Variants in FNDC3A observed in about 807,000 individuals in gnomAD.
FNDC3A encodes the protein fibronectin type-III domain-containing protein 3A.
FNDC3A carries 32 observed loss-of-function variants against 148.9 expected under a neutral mutation model. That is an observed-to-expected ratio of 0.21 (90% CI 0.16 to 0.29). The LOEUF (loss-of-function observed/expected upper bound fraction) is 0.29. Ranked by LOEUF, FNDC3A falls within the 10% of genes least tolerant of loss-of-function variation. The pLI is 1.00. For synonymous variants in FNDC3A, 472 were observed against 473.6 expected (o/e 1.00, Z 0.04); for missense variants, 1,191 against 1,452.8 (o/e 0.82, Z 2.93).
At chr13:49,191,861 T>C (rs1885905309) in intron 19 of FNDC3A, among the ~76,000 whole-genome samples, 1 of 152,228 alleles carries the variant, frequency 6.6e-6, no homozygotes, top group Admixed American at 6.5e-5. Context: ...TCTGGTTTTG[T>C]ATGTATTTTT....
At chr13:49,180,932 A>G (rs1885269556) in intron 14 of FNDC3A, among the ~76,000 whole-genome samples, 1 of 151,960 alleles carries the variant, frequency 6.6e-6, no homozygotes, top group South Asian at 2.1e-4. Flanking sequence ...TTTAAAAGCC[A>G]CCAGGCATGG....
intron 8 of FNDC3A, among the ~76,000 whole-genome samples, chr13:49,147,385 A>T (rs76053789): frequency 1.3e-5 from 2 of 152,078 alleles, no homozygotes; most frequent in Non-Finnish European, 2.9e-5. Flanking sequence ...GCCTTGAAAC[A>T]TATTTATTTT....
chr13:49,060,504 T>C (rs1190971503), intron 2 of FNDC3A, among the ~76,000 whole-genome samples: 1 of 151,170 alleles, frequency 6.6e-6, no homozygotes, highest in Non-Finnish European at 1.5e-5. Flanking sequence ...ATTAGCCAGG[T>C]GTGGTGGCAT....
chr13:49,012,954 G>T (rs1181023960), intron 2 of FNDC3A, among the ~76,000 whole-genome samples: 1 of 152,014 alleles, frequency 6.6e-6, no homozygotes, highest in Non-Finnish European at 1.5e-5. Context: ...TAGTCTCAAA[G>T]AGAGTATTTT....
chr13:49,011,444 A>T (rs9316427), intron 2 of FNDC3A, among the ~76,000 whole-genome samples: 87,989 of 151,934 alleles, frequency 0.58, 27,119 homozygotes, highest in Non-Finnish European at 0.68. Flanking sequence ...ATGTTGGCCA[A>T]GCTGATCTCG....
At chr13:48,986,457 G>A (rs1026608838) in intron 1 of FNDC3A, among the ~76,000 whole-genome samples, 13 of 134,154 alleles carry the variant, frequency 9.7e-5, no homozygotes, top group Admixed American at 1.7e-4. Flanking sequence ...GTGCAATGGC[G>A]TGATCTCGGC....
At chr13:49,119,067 C>A (rs532505020) in intron 4 of FNDC3A, among the ~76,000 whole-genome samples, 1 of 152,224 alleles carries the variant, frequency 6.6e-6, no homozygotes, top group Non-Finnish European at 1.5e-5. Flanking sequence ...CTGGGAGACA[C>A]CTTCCAGCAG....
intron 3 of FNDC3A, among the ~76,000 whole-genome samples, chr13:49,103,758 T>G (rs1328429871): frequency 1.3e-5 from 2 of 152,198 alleles, no homozygotes; most frequent in Non-Finnish European, 2.9e-5. Context: ...TCTAGGATTA[T>G]TCTCACATTT....
At chr13:49,064,101 G>T (rs1266446554) in intron 2 of FNDC3A, among the ~76,000 whole-genome samples, 2 of 152,142 alleles carry the variant, frequency 1.3e-5, no homozygotes, top group Admixed American at 6.5e-5. Flanking sequence ...CCAGCACTTT[G>T]GGAGGCCGAG....
intron 5 of FNDC3A, among the ~76,000 whole-genome samples, chr13:49,131,688 C>G (rs1051403967): frequency 2.6e-5 from 4 of 152,146 alleles, no homozygotes; most frequent in African/African-American, 9.7e-5. Context: ...CCAGGAATAA[C>G]CATGTCATTG....
At chr13:49,154,315 CTGTT>C (rs765503753) in intron 8 of FNDC3A, among the ~76,000 whole-genome samples, 37,033 of 123,910 alleles carry the variant, frequency 0.3, 1,955 homozygotes, top group East Asian at 0.39. Context: ...ATTTGGCTCT[CTGTT>C]TGTCTGTTAT....
At chr13:49,112,136 T>G (rs2137869730) in intron 3 of FNDC3A, among the ~76,000 whole-genome samples, 1 of 152,332 alleles carries the variant, frequency 6.6e-6, no homozygotes. Flanking sequence ...GATGACTTGA[T>G]GTAAGGATTA....
At chr13:49,144,766 C>CA (rs1333599357) in intron 7 of FNDC3A, among the ~76,000 whole-genome samples, 2 of 152,182 alleles carry the variant, frequency 1.3e-5, no homozygotes, top group Non-Finnish European at 2.9e-5. Context: ...CCAAAGATAA[C>CA]AATTGGTACA....
rs1398450707 is a variant in FNDC3A, at chr13:49,201,830, T to C, written c.3018T>C (p.His1006=). 1 of 1,565,520 alleles carries C rather than the reference T, an allele frequency of 6.4e-7. No individual in the cohort carries two copies. The highest frequency in any genetic ancestry group is 1.9e-5 in the Admixed American group (1 of 53,440). The change falls in exon 24 of 26, where the codon CAT becomes CAC. Residue 1006 remains histidine (H), a synonymous_variant. Coordinates refer to ENST00000492622, the MANE Select transcript of FNDC3A (RefSeq NM_001079673.2). ...RFVSLYRGPC[H]TYKVQRLNES... The stretch of plus-strand genomic sequence containing the variant: ...TATCCCTATACAGAGGACCATGTCA[T>C]ACATACAAAGTACAAAGACTTAATG...
At chr13:49,176,691 A>T (rs777100338) in intron 13 of FNDC3A, among the ~76,000 whole-genome samples, 11 of 152,322 alleles carry the variant, frequency 7.2e-5, no homozygotes, top group Non-Finnish European at 1.0e-4. Context: ...TACAATAAAT[A>T]TTGCCACTCC....
intron 17 of FNDC3A, 135 bp from the exon 18 acceptor site, chr13:49,190,879 CT>C: frequency 1.7e-6 from 1 of 593,710 alleles, no homozygotes; most frequent in Non-Finnish European, 2.9e-6. Context: ...AACTTTATTC[CT>C]TTTTTGTTGA....
chr13:49,136,803 G>A (rs192965407), intron 6 of FNDC3A, among the ~76,000 whole-genome samples: 27 of 152,216 alleles, frequency 1.8e-4, no homozygotes, highest in Admixed American at 4.6e-4. Context: ...TATTTGATAG[G>A]AAAACTCAGA....
In FNDC3A at chr13:49,111,972, G is replaced by A. The variant is rs140426341; in HGVS notation, c.176-2683G>A. Among the ~76,000 whole-genome samples the A allele has an allele frequency of 3.0e-3, 450 of 152,076 alleles. 3 individuals carry two copies. Among genetic ancestry groups the A allele is most frequent in the African/African-American group, 0.01 (427 of 41,478 alleles). On this transcript the variant is annotated intron_variant, in intron 3 of 25. Transcript: ENST00000492622. Reference sequence around the variant, plus strand: ...TTACCAAATTATAAACTATTTTAGCGGCTATCAAAGTATAAAATGGTTTGA... The same window carrying A: ...TTACCAAATTATAAACTATTTTAGCAGCTATCAAAGTATAAAATGGTTTGA...
intron 13 of FNDC3A, among the ~76,000 whole-genome samples, chr13:49,175,835 G>C (rs1885000819): frequency 6.6e-6 from 1 of 152,120 alleles, no homozygotes; most frequent in Non-Finnish European, 1.5e-5. Flanking sequence ...CTGTGGGTTT[G>C]TCATAAACAG....
Sources: gnomAD v4.1 joint callset for allele counts (sites outside exome capture counted in the v4.1 genomes callset) on GRCh38, gnomAD v4.1.1 for gene constraint, MANE v1.5 for transcripts, NCBI Gene and HGNC (gene_info 2026-07-23, HGNC 2026-07-21) for gene names.